Variants in HHIPL1 observed in about 807,000 individuals in gnomAD.
HHIPL1 encodes the protein HHIP-like protein 1.
Under a neutral mutation model 61.8 loss-of-function variants are expected in HHIPL1, and 43 were observed. The observed-to-expected ratio is 0.70, with a 90% CI of 0.55 to 0.90. HHIPL1 has a LOEUF of 0.90. Ranked by LOEUF, HHIPL1 falls within the 40% of genes least tolerant of loss-of-function variation. HHIPL1 has a pLI of 0.00. For missense variants in HHIPL1, 1,056 were observed against 1,157.7 expected, an observed-to-expected ratio of 0.91 and a Z score of 1.28; for synonymous variants, 482 against 515.8, an observed-to-expected ratio of 0.93 and a Z score of 0.89.
chr14:99,641,004 A>T (rs2140042395), upstream of HHIPL1, among the ~76,000 whole-genome samples: 1 of 146,596 alleles, frequency 6.8e-6, no homozygotes, highest in Admixed American at 7.0e-5. Flanking sequence ...CTTCTGCCTC[A>T]GCCTCCCCAG....
chr14:99,671,835 C>T (rs1461935357), intron 7 of HHIPL1, among the ~76,000 whole-genome samples: 1 of 152,142 alleles, frequency 6.6e-6, no homozygotes, highest in African/African-American at 2.4e-5. Flanking sequence ...TAGGTGGTTC[C>T]AGGCAGAGGA....
chr14:99,648,857 G>T (rs2140054161), intron 1 of HHIPL1, among the ~76,000 whole-genome samples: 1 of 152,294 alleles, frequency 6.6e-6, no homozygotes. Flanking sequence ...AATGAACGGT[G>T]GACATAAGAA....
At position 99,668,092 on chromosome 14, in the gene HHIPL1, A is replaced by G. The variant is rs1479075503; in HGVS notation, c.1649-130A>G. The G allele has an allele frequency of 5.6e-6, 4 of 713,124 alleles. No homozygotes were observed. The highest frequency in any genetic ancestry group is 1.0e-5 in the Non-Finnish European group (4 of 381,884). The allele number at this position is 713,124 out of a possible 1,614,324, so 44.2% of individuals were successfully genotyped here. ...GACTGGACAGCTAGACTGAGCTGGG[A>G]TGCCTCACGTGATGGCTAGCTGGGG... is the stretch of plus-strand genomic sequence containing the variant. On this transcript the variant is annotated intron_variant, in intron 6 of 8. Transcript: ENST00000330710. This position sits in a 1 kb window ranked among gnomAD's most constrained non-coding sequence, Gnocchi z 4.7.
chr14:99,639,537 A>G, the HHIPL1 span, among the ~76,000 whole-genome samples: 1 of 152,058 alleles, frequency 6.6e-6, no homozygotes, highest in East Asian at 1.9e-4. Context: ...TGTAGCAACA[A>G]GGTTTTGCCA....
chr14:99,607,185 T>G, the HHIPL1 span, among the ~76,000 whole-genome samples: 1 of 151,934 alleles, frequency 6.6e-6, no homozygotes, highest in Admixed American at 6.6e-5. Context: ...GGCACCACCA[T>G]GCCTGGCTAT....
At position 99,675,652 on chromosome 14, in the gene HHIPL1, C is replaced by T. The variant is rs1283488220; in HGVS notation, c.*26C>T. On this transcript the variant is annotated 3_prime_UTR_variant, in exon 9 of 9. Coordinates refer to ENST00000330710, the MANE Select transcript of HHIPL1 (RefSeq NM_001127258.3). This position sits in a 1 kb window ranked among gnomAD's most constrained non-coding sequence, Gnocchi z 5.4. Reference sequence around the variant, plus strand: ...GCAACACGCCGCTGCCCCAGGCCATCCCGCCGGCGGGGGAGCCTGGCAGGG... The same window carrying T: ...GCAACACGCCGCTGCCCCAGGCCATTCCGCCGGCGGGGGAGCCTGGCAGGG... 1 of 1,479,508 alleles carries T rather than the reference C, an allele frequency of 6.8e-7. No individual in the cohort carries two copies. Among genetic ancestry groups the T allele is most frequent in the African/African-American group, 1.4e-5 (1 of 71,130 alleles). 91.6% of individuals were successfully genotyped at this position (1,479,508 alleles called of 1,614,324 possible).
the HHIPL1 span, among the ~76,000 whole-genome samples, chr14:99,610,185 C>T: frequency 6.6e-6 from 1 of 152,212 alleles, no homozygotes; most frequent in Non-Finnish European, 1.5e-5. Context: ...GCTCAACATA[C>T]TGGGGAAACT....
At chr14:99,666,579 C>T (rs2056249656) in intron 6 of HHIPL1, among the ~76,000 whole-genome samples, 1 of 152,210 alleles carries the variant, frequency 6.6e-6, no homozygotes, top group African/African-American at 2.4e-5. Flanking sequence ...GCCTTAAGGT[C>T]GGTTGGCCAG....
At chr14:99,634,484 A>G in the HHIPL1 span, among the ~76,000 whole-genome samples, 1 of 152,176 alleles carries the variant, frequency 6.6e-6, no homozygotes, top group Non-Finnish European at 1.5e-5. Context: ...TGTTTCTTGA[A>G]TCTCTGAGAG....
the HHIPL1 span, among the ~76,000 whole-genome samples, chr14:99,607,664 G>A: frequency 1.3e-5 from 2 of 152,114 alleles, no homozygotes; most frequent in Middle Eastern, 3.2e-3. Context: ...CAGGGGGAAT[G>A]GACTTTCTTA....
At chr14:99,645,111 G>A, upstream of HHIPL1, 10 of 1,120,230 alleles carry the variant, frequency 8.9e-6, no homozygotes, top group Non-Finnish European at 1.1e-5. Context: ...CCTGCGTGTA[G>A]GGAAGGGGAG....
chr14:99,665,085 G>A (rs964426357), intron 6 of HHIPL1, among the ~76,000 whole-genome samples: 2 of 151,870 alleles, frequency 1.3e-5, no homozygotes, highest in Non-Finnish European at 2.9e-5. Flanking sequence ...CGCCACACCC[G>A]GCTAATTTTT....
chr14:99,662,469 G>C (rs1189847886), intron 5 of HHIPL1, among the ~76,000 whole-genome samples: 1 of 152,190 alleles, frequency 6.6e-6, no homozygotes, highest in African/African-American at 2.4e-5. Context: ...GCATTCAGCG[G>C]GCAGTAACCA....
At chr14:99,649,424 G>A (rs1430602564) in intron 1 of HHIPL1, among the ~76,000 whole-genome samples, 1 of 152,206 alleles carries the variant, frequency 6.6e-6, no homozygotes, top group African/African-American at 2.4e-5. Context: ...GGCATCATGA[G>A]GCTTGGGTGT....
the HHIPL1 span, among the ~76,000 whole-genome samples, chr14:99,606,076 G>A: frequency 6.6e-6 from 1 of 152,116 alleles, no homozygotes; most frequent in East Asian, 1.9e-4. Context: ...ACACAGAGAG[G>A]TCCAGATTCA....
In HHIPL1 at chr14:99,657,232, C is replaced by T. The variant is rs902225965; in HGVS notation, c.1046+89C>T. 15 of 1,457,258 alleles carry T rather than the reference C, an allele frequency of 1.0e-5. No individual in the cohort carries two copies. The African/African-American group carries it at 1.6e-4, about 15-fold the overall frequency. The allele number at this position is 1,457,258 out of a possible 1,614,324, so 90.3% of individuals were successfully genotyped here. On this transcript the variant is annotated intron_variant, in intron 3 of 8. Transcript: ENST00000330710. ...CCAGAGGGTGAGTTCCTTCCTCGGC[C>T]AGGCATTGTAGGGCAGGAGAAAAGG...
the HHIPL1 span, among the ~76,000 whole-genome samples, chr14:99,637,635 T>C: frequency 6.6e-6 from 1 of 151,948 alleles, no homozygotes; most frequent in African/African-American, 2.4e-5. Flanking sequence ...TTTAAGAACA[T>C]GCCAGATGCT....
chr14:99,610,134 TCTC>T, the HHIPL1 span, among the ~76,000 whole-genome samples: 3 of 152,100 alleles, frequency 2.0e-5, no homozygotes, highest in East Asian at 1.9e-4. Flanking sequence ...GCTGCTGACA[TCTC>T]CTCACACCAT....
chr14:99,624,390 G>T, the HHIPL1 span, among the ~76,000 whole-genome samples: 1 of 152,300 alleles, frequency 6.6e-6, no homozygotes, highest in African/African-American at 2.4e-5. Flanking sequence ...CAGGGTTATG[G>T]TGGGGACAGA....
Sources: gnomAD v4.1 joint callset for allele counts (sites outside exome capture counted in the v4.1 genomes callset) on GRCh38, gnomAD v4.1.1 for gene constraint, Gnocchi (gnomAD v3.1) non-coding constraint, MANE v1.5 for transcripts, NCBI Gene and HGNC (gene_info 2026-07-23, HGNC 2026-07-21) for gene names.